Variants in RAPH1 observed in about 807,000 individuals in gnomAD.
The protein encoded by RAPH1 is Ras association (RalGDS/AF-6) and pleckstrin homology domains 1, also known as ras-associated and pleckstrin homology domains-containing protein 1.
In RAPH1, 18 loss-of-function variants were observed where a neutral mutation model predicts 88.1. The ratio of observed to expected loss-of-function variants is 0.20; its 90% CI spans 0.14 to 0.30. The LOEUF (loss-of-function observed/expected upper bound fraction) is 0.30, where lower values mean the gene tolerates loss of function less well. RAPH1 is among the 10% of genes least tolerant of loss of function. The pLI is 1.00. For missense variants in RAPH1, 1,448 were observed against 1,543.2 expected, an observed-to-expected ratio of 0.94 and a Z score of 1.03; for synonymous variants, 587 against 559.0, an observed-to-expected ratio of 1.05 and a Z score of -0.71.
At position 203,448,381 on chromosome 2, in the gene RAPH1, A is replaced by G. The variant is rs1240272000; in HGVS notation, c.1513-302T>C. Among the ~76,000 whole-genome samples, 1 of 152,196 alleles carries G rather than the reference A, an allele frequency of 6.6e-6. No homozygotes were observed. The highest frequency in any genetic ancestry group is 2.4e-5 in the African/African-American group (1 of 41,448). On this transcript the variant is annotated intron_variant, in intron 11 of 13. Coordinates refer to ENST00000319170, the MANE Select transcript of RAPH1 (RefSeq NM_213589.3). The surrounding 1 kb of genome is among the most constrained non-coding windows in gnomAD (Gnocchi z 4.1). Reference sequence around the variant, plus strand: ...AGCACTCTTCAGGATACTGCTCCAAATGTGGTTGGTAAATGATCATTACTT... The same window carrying G: ...AGCACTCTTCAGGATACTGCTCCAAGTGTGGTTGGTAAATGATCATTACTT...
chr2:203,456,668 C>T (rs1240009206), intron 8 of RAPH1, among the ~76,000 whole-genome samples: 11 of 151,984 alleles, frequency 7.2e-5, no homozygotes, highest in East Asian at 1.9e-4. Flanking sequence ...TTTACTTAAC[C>T]GTAGTTAGTA....
Position 203,441,351 on chromosome 2 carries a change from A to G in RAPH1, c.1839T>C (p.Pro613=). 1.3e-6 allele frequency: 2 copies of G among 1,577,360 alleles called. No individual in the cohort carries two copies. Among genetic ancestry groups the G allele is most frequent in the Middle Eastern group, 1.9e-4 (1 of 5,264 alleles). Residue 613 remains proline (P), a synonymous_variant, in exon 14 of 14, where the codon CCT becomes CCC. Transcript: ENST00000319170. The part of the protein sequence containing the change: ...TSLVPPLSPQ[P]KIVTPYTASQ... Reference sequence around the variant, plus strand: ...AAGCAGTGTAGGGGGTGACTATCTTAGGTTGCGGGGATAAAGGGGGCACAA... The same window carrying G: ...AAGCAGTGTAGGGGGTGACTATCTTGGGTTGCGGGGATAAAGGGGGCACAA...
At chr2:203,525,391 G>A (rs1466651852) in intron 1 of RAPH1, among the ~76,000 whole-genome samples, 1 of 152,024 alleles carries the variant, frequency 6.6e-6, no homozygotes, top group African/African-American at 2.4e-5. Flanking sequence ...ATGTTGGTCA[G>A]GCTGGTCTTG....
intron 1 of RAPH1, among the ~76,000 whole-genome samples, chr2:203,534,613 C>T (rs895097312): frequency 2.0e-5 from 3 of 147,658 alleles, no homozygotes; most frequent in Non-Finnish European, 4.4e-5. Flanking sequence ...AATTACTTAT[C>T]CTGTTTAATT....
chr2:203,475,427 T>C (rs188981023), intron 4 of RAPH1, among the ~76,000 whole-genome samples: 2 of 152,026 alleles, frequency 1.3e-5, no homozygotes, highest in Non-Finnish European at 2.9e-5. Flanking sequence ...AAATAAAATA[T>C]ATAGCATGAT....
intron 1 of RAPH1, among the ~76,000 whole-genome samples, chr2:203,522,677 G>A (rs963671597): frequency 6.6e-6 from 1 of 151,944 alleles, no homozygotes; most frequent in Non-Finnish European, 1.5e-5. Flanking sequence ...TGAGGCAGGC[G>A]GATCACCTGA....
At chr2:203,493,686 C>T (rs1322844383) in intron 2 of RAPH1, among the ~76,000 whole-genome samples, 1 of 152,028 alleles carries the variant, frequency 6.6e-6, no homozygotes, top group Non-Finnish European at 1.5e-5. Context: ...AAAACATTCT[C>T]CCCTGGCCAG....
chr2:203,455,825 T>A (rs1328232909), intron 8 of RAPH1, among the ~76,000 whole-genome samples: 1 of 146,178 alleles, frequency 6.8e-6, no homozygotes, highest in Non-Finnish European at 1.5e-5. Context: ...CTGGCCAACA[T>A]AGTGAAACCA....
At chr2:203,450,037 A>C (rs1170802714) in intron 10 of RAPH1, among the ~76,000 whole-genome samples, 4 of 151,766 alleles carry the variant, frequency 2.6e-5, no homozygotes, top group Non-Finnish European at 5.9e-5. Flanking sequence ...AAAAAAAAAA[A>C]ACAAAGAAAG....
chr2:203,516,903 G>A lies in RAPH1; in HGVS notation c.-1+18208C>T, dbSNP rs1033403927. The stretch of plus-strand genomic sequence containing the variant: ...AAAAAAATTAGCTGGGCGTGGTGGT[G>A]GGCGCCTGTAGTTCCAGCTACTCGG... On this transcript the variant is annotated intron_variant, in intron 1 of 13. Coordinates refer to ENST00000319170, the MANE Select transcript of RAPH1 (RefSeq NM_213589.3). Among the ~76,000 whole-genome samples the A allele has an allele frequency of 4.3e-4, 66 of 151,912 alleles. 1 individual carries two copies. The highest frequency in any genetic ancestry group is 1.6e-3 in the Admixed American group (24 of 15,230).
At chr2:203,460,647 GTTC>G (rs1022926870) in intron 6 of RAPH1, among the ~76,000 whole-genome samples, 6 of 149,068 alleles carry the variant, frequency 4.0e-5, no homozygotes, top group Non-Finnish European at 7.4e-5. Context: ...AGTCTATCCA[GTTC>G]TTATTTGAAA....
intron 1 of RAPH1, among the ~76,000 whole-genome samples, chr2:203,510,879 C>T (rs2443799): frequency 0.071 from 10,787 of 151,686 alleles, 624 homozygotes; most frequent in African/African-American, 0.16. Flanking sequence ...GGCAACATAG[C>T]GAGACTCTGT....
chr2:203,518,875 C>T (rs1373184619), intron 1 of RAPH1, among the ~76,000 whole-genome samples: 1 of 152,122 alleles, frequency 6.6e-6, no homozygotes, highest in Admixed American at 6.5e-5. Flanking sequence ...ATACTATGAA[C>T]AAACTCCATG....
intron 1 of RAPH1, among the ~76,000 whole-genome samples, chr2:203,528,999 A>ATTTTTTTTTTT (rs1559508277): frequency 1.2e-5 from 1 of 81,172 alleles, no homozygotes; most frequent in African/African-American, 6.8e-5. Context: ...ATATATATAT[A>ATTTTTTTTTTT]TATATATTTT....
At chr2:203,480,869 C>G (rs1242257804) in intron 4 of RAPH1, among the ~76,000 whole-genome samples, 1 of 152,170 alleles carries the variant, frequency 6.6e-6, no homozygotes, top group Non-Finnish European at 1.5e-5. Context: ...CCCAGCGTGG[C>G]CATTTATTGG....
At chr2:203,507,688 G>A (rs547091394) in intron 1 of RAPH1, among the ~76,000 whole-genome samples, 1 of 152,124 alleles carries the variant, frequency 6.6e-6, no homozygotes, top group Admixed American at 6.5e-5. Context: ...GAAAGGCTAA[G>A]GAAATGTTCC....
chr2:203,510,813 G>A (rs1234689996), intron 1 of RAPH1, among the ~76,000 whole-genome samples: 3 of 152,102 alleles, frequency 2.0e-5, no homozygotes, highest in Non-Finnish European at 4.4e-5. Context: ...AAGAGTAAAT[G>A]TTTGGGAGGG....
chr2:203,465,142 T>A (rs1480237243), intron 4 of RAPH1, among the ~76,000 whole-genome samples: 1 of 152,240 alleles, frequency 6.6e-6, no homozygotes, highest in Non-Finnish European at 1.5e-5. Flanking sequence ...TTGTGCTCCT[T>A]GGTATTTACC....
chr2:203,457,443 C>T lies in RAPH1; in HGVS notation c.1158+87G>A, dbSNP rs557572656. The T allele has an allele frequency of 9.0e-5, 93 of 1,038,502 alleles. 1 individual carries two copies. Among genetic ancestry groups the T allele is most frequent in the South Asian group, 2.9e-4 (23 of 79,044 alleles). 64.3% of individuals were successfully genotyped at this position (1,038,502 alleles called of 1,614,324 possible). A position where few individuals can be genotyped will look rare whatever the true frequency, so the allele number is the denominator to read the frequency against. ...TTGTGATTCACTCACCTCAGCCTCCCGAAGTGTTGGGATTGCAGGCGTGAG... is the reference window on the plus strand; with the variant it reads ...TTGTGATTCACTCACCTCAGCCTCCTGAAGTGTTGGGATTGCAGGCGTGAG... On this transcript the variant is annotated intron_variant, in intron 8 of 13. Transcript: ENST00000319170.
Sources: gnomAD v4.1 joint callset for allele counts (sites outside exome capture counted in the v4.1 genomes callset) on GRCh38, gnomAD v4.1.1 for gene constraint, Gnocchi (gnomAD v3.1) non-coding constraint, MANE v1.5 for transcripts, NCBI Gene and HGNC (gene_info 2026-07-23, HGNC 2026-07-21) for gene names.